Variants in TOP2B observed in about 807,000 individuals in gnomAD.
TOP2B encodes DNA topoisomerase II beta.
In TOP2B, 51 loss-of-function variants were observed where a neutral mutation model predicts 193.5. The observed-to-expected ratio is 0.26, with a 90% CI of 0.21 to 0.33. The LOEUF is 0.33. Ranked by LOEUF, TOP2B falls within the 10% of genes least tolerant of loss-of-function variation. TOP2B has a pLI of 1.00. For missense variants in TOP2B, 1,378 were observed against 1,909.3 expected, an observed-to-expected ratio of 0.72 and a Z score of 5.19; for synonymous variants, 634 against 635.7, an observed-to-expected ratio of 1.00 and a Z score of 0.04.
At chr3:25,601,632 G>T (rs186131459) in intron 33 of TOP2B, among the ~76,000 whole-genome samples, 12 of 152,064 alleles carry the variant, frequency 7.9e-5, no homozygotes, top group Admixed American at 7.9e-4. Context: ...AAATTGAGTC[G>T]CCTTAAATAA....
rs1575575569 is a variant in TOP2B at position 25,630,705 on chromosome 3, A to T, written c.1405+96T>A. Reference sequence around the variant, plus strand: ...AAGTAAAATCATACTCTGAATGGAAAATCATAGTCTAACTATATGTAGAAA... The same window carrying T: ...AAGTAAAATCATACTCTGAATGGAATATCATAGTCTAACTATATGTAGAAA... On this transcript the variant is annotated intron_variant, in intron 11 of 35. Transcript: ENST00000264331. 12 of 1,179,576 alleles carry T rather than the reference A, an allele frequency of 1.0e-5. 1 individual carries two copies. In the Middle Eastern group the frequency reaches 9.0e-4, roughly 88 times the overall value. The allele number at this position is 1,179,576 out of a possible 1,614,324, so 73.1% of individuals were successfully genotyped here.
rs542049249 is a variant in TOP2B, at chr3:25,662,293, A to G, written c.69+1936T>C. Among the ~76,000 whole-genome samples the G allele has an allele frequency of 4.6e-5, 7 of 152,356 alleles. No individual in the cohort carries two copies. In the East Asian group the frequency reaches 7.7e-4, roughly 17 times the overall value. ...CTACATCAGCCTGACGTCAAAGCCC[A>G]TAACTACCTCACTATATTGCCTCCC... On this transcript the variant is annotated intron_variant, in intron 1 of 35. Coordinates refer to ENST00000264331, the MANE Select transcript of TOP2B (RefSeq NM_001330700.2).
intron 22 of TOP2B, 148 bp from the exon 23 acceptor site, chr3:25,620,210 G>C: frequency 1.6e-6 from 1 of 607,372 alleles, no homozygotes; most frequent in East Asian, 2.8e-5. Context: ...AATCAGTATA[G>C]AAGGCAATAC....
chr3:25,626,517 T>C (rs568511665), intron 18 of TOP2B, 43 bp downstream of exon 18: 59 of 1,103,634 alleles, frequency 5.3e-5, no homozygotes, highest in African/African-American at 4.6e-4. Context: ...AATTAAACTA[T>C]AGTAAATAAC....
intron 25 of TOP2B, among the ~76,000 whole-genome samples, chr3:25,617,295 TTTG>T (rs1702529173): frequency 6.6e-6 from 1 of 152,114 alleles, no homozygotes; most frequent in Non-Finnish European, 1.5e-5. Context: ...GAAACCATAA[TTTG>T]GGGTTCAATA....
chr3:25,627,918 A>G (rs1360819785), intron 15 of TOP2B, among the ~76,000 whole-genome samples: 1 of 151,888 alleles, frequency 6.6e-6, no homozygotes, highest in Non-Finnish European at 1.5e-5. Flanking sequence ...ACAAATAGCC[A>G]GGCATAGTGG....
At chr3:25,647,847 G>A (rs962047793) in intron 1 of TOP2B, among the ~76,000 whole-genome samples, 2 of 152,156 alleles carry the variant, frequency 1.3e-5, no homozygotes, top group Non-Finnish European at 2.9e-5. Context: ...ATTTGAGTGT[G>A]GTCAGCCAGA....
chr3:25,601,045 T>A (rs1048695022), intron 34 of TOP2B, 55 bp downstream of exon 34: 10 of 1,564,484 alleles, frequency 6.4e-6, no homozygotes, highest in Non-Finnish European at 8.6e-6. Context: ...GTAGAAAAAA[T>A]TCAATCTTTT....
chr3:25,642,142 G>C (rs557154937), intron 4 of TOP2B, among the ~76,000 whole-genome samples, 180 bp downstream of exon 4: 1 of 152,246 alleles, frequency 6.6e-6, no homozygotes, highest in African/African-American at 2.4e-5. Context: ...CCCCGATAGG[G>C]AAGTTCTTTG....
Position 25,664,133 on chromosome 3 carries a change from T to G in TOP2B, c.69+96A>C, listed in dbSNP as rs1704009489. ...TGGAGCGCCCGTTCGGGGGACGGGATTTCCCTCCCTTTCCCCTCCCCCGCC... is the reference window on the plus strand; with the variant it reads ...TGGAGCGCCCGTTCGGGGGACGGGAGTTCCCTCCCTTTCCCCTCCCCCGCC... On this transcript the variant is annotated intron_variant, in intron 1 of 35. Coordinates refer to ENST00000264331, the MANE Select transcript of TOP2B (RefSeq NM_001330700.2). 4 of 1,501,306 alleles carry G rather than the reference T, an allele frequency of 2.7e-6. No individual in the cohort carries two copies. The South Asian group carries it at 4.8e-5, about 18-fold the overall frequency. The allele number at this position is 1,501,306 out of a possible 1,614,324, so 93.0% of individuals were successfully genotyped here. A position where few individuals can be genotyped will look rare whatever the true frequency, so the allele number is the denominator to read the frequency against.
intron 21 of TOP2B, among the ~76,000 whole-genome samples, chr3:25,622,725 C>T (rs535466866): frequency 1.3e-5 from 2 of 151,836 alleles, no homozygotes; most frequent in East Asian, 3.9e-4. Flanking sequence ...ACCGCAACCT[C>T]CACCTCCTGG....
chr3:25,608,760 C>T (rs937850956), intron 30 of TOP2B, among the ~76,000 whole-genome samples: 3 of 152,040 alleles, frequency 2.0e-5, no homozygotes, highest in Admixed American at 1.3e-4. Context: ...GCAGTTCACC[C>T]GCACAACTAT....
rs1702233672 is a variant in TOP2B, at chr3:25,606,206, G to A, written c.4299-84C>T. ...TGATAAATTATATATAATATTTACT[G>A]CAGGATTATAATCACAGAACAAAAC... On this transcript the variant is annotated intron_variant, in intron 31 of 35. Coordinates refer to ENST00000264331, the MANE Select transcript of TOP2B (RefSeq NM_001330700.2). The A allele has an allele frequency of 7.8e-6, 5 of 637,640 alleles. No individual in the cohort carries two copies. In the East Asian group the frequency reaches 1.5e-4, roughly 20 times the overall value. The allele number at this position is 637,640 out of a possible 1,614,324, so 39.5% of individuals were successfully genotyped here. A position where few individuals can be genotyped will look rare whatever the true frequency, so the allele number is the denominator to read the frequency against.
At position 25,619,971 on chromosome 3, in the gene TOP2B, G is replaced by T; in HGVS notation, c.2954C>A (p.Thr985Lys). Residue 985 changes from threonine (T) to lysine (K), a missense_variant, in exon 23 of 36, where the codon ACA becomes AAA. Thr to Lys is a moderately conservative substitution (Grantham distance 78, BLOSUM62 -1). Coordinates refer to ENST00000264331, the MANE Select transcript of TOP2B (RefSeq NM_001330700.2). ...ISDYKEYHTD[T>K]TVKFVVKMTE... is the part of the protein sequence containing the mutation. ...CATTTTCACCACAAATTTCACAGTT[G>T]TGTCAGTATGATATTCTTTATAATC... The T allele has an allele frequency of 6.2e-7, 1 of 1,610,994 alleles. No individual in the cohort carries two copies. The highest frequency in any genetic ancestry group is 8.5e-7 in the Non-Finnish European group (1 of 1,177,962).
rs920806550 is a variant in TOP2B at position 25,623,731 on chromosome 3, T to C, written c.2511A>G (p.Leu837=). Residue 837 remains leucine, a synonymous_variant, in exon 21 of 36, where the codon CTA becomes CTG. Coordinates refer to ENST00000264331, the MANE Select transcript of TOP2B (RefSeq NM_001330700.2). Reference sequence around the variant, plus strand: ...GGTTGTCATCCACAGCAGGAAAAAGTAGCCTTGCTAAAGTGCTAATGAAAA... The same window carrying C: ...GGTTGTCATCCACAGCAGGAAAAAGCAGCCTTGCTAAAGTGCTAATGAAAA... The part of the protein sequence containing the change: ...IFTMLSTLAR[L]LFPAVDDNLL... 44 of 1,611,968 alleles carry C rather than the reference T, an allele frequency of 2.7e-5. No individual in the cohort carries two copies. The highest frequency in any genetic ancestry group is 1.6e-4 in the Middle Eastern group (1 of 6,080).
At chr3:25,612,407 T>C in intron 28 of TOP2B, 108 bp downstream of exon 28, 1 of 794,412 alleles carries the variant, frequency 1.3e-6, no homozygotes, top group Non-Finnish European at 1.9e-6. Context: ...CATTGAAATA[T>C]ATTTTGAATA....
At chr3:25,630,972 G>A (rs1289365757) in intron 10 of TOP2B, 33 bp from the exon 11 acceptor site, 1 of 1,538,702 alleles carries the variant, frequency 6.5e-7, no homozygotes, top group Non-Finnish European at 8.7e-7. Flanking sequence ...ATACAAACAA[G>A]CTGAAAATTC....
intron 1 of TOP2B, among the ~76,000 whole-genome samples, chr3:25,662,610 C>T (rs1340853586): frequency 6.6e-6 from 1 of 152,152 alleles, no homozygotes; most frequent in African/African-American, 2.4e-5. Context: ...GAATGAGATG[C>T]TCCAAGTTTT....
chr3:25,608,643 C>G (rs1186143416), intron 30 of TOP2B, among the ~76,000 whole-genome samples: 1 of 152,074 alleles, frequency 6.6e-6, no homozygotes, highest in Non-Finnish European at 1.5e-5. Flanking sequence ...AAATAGAAAA[C>G]TCACTAGATG....
Sources: allele counts gnomAD v4.1 joint callset (sites outside exome capture counted in the v4.1 genomes callset), GRCh38; gene constraint gnomAD v4.1.1; transcripts MANE v1.5; gene names NCBI Gene and HGNC (gene_info 2026-07-23, HGNC 2026-07-21).